CES5A: variants seen among roughly 807,000 people sequenced by gnomAD.
The protein encoded by CES5A is carboxylesterase 5.
Under a neutral mutation model 62.9 loss-of-function variants are expected in CES5A, and 67 were observed. The observed-to-expected ratio is 1.07, with a 90% confidence interval of 0.88 to 1.31. CES5A has a LOEUF of 1.31. Ranked by LOEUF, CES5A falls within the 50% of genes most tolerant of loss-of-function variation. CES5A has a pLI of 0.00. For missense variants in CES5A, 748 were observed against 708.5 expected, an observed-to-expected ratio of 1.06 and a Z score of -0.63; for synonymous variants, 296 against 280.8, an observed-to-expected ratio of 1.05 and a Z score of -0.54.
chr16:55,871,136 G>A (rs1321609655), intron 3 of CES5A, among the ~76,000 whole-genome samples: 1 of 152,224 alleles, frequency 6.6e-6, no homozygotes, highest in East Asian at 1.9e-4. Context: ...GAGGCATGAG[G>A]AAGAGAAGAG....
intron 3 of CES5A, among the ~76,000 whole-genome samples, chr16:55,870,446 T>C (rs1203573570): frequency 2.0e-5 from 3 of 152,114 alleles, no homozygotes; most frequent in Admixed American, 2.0e-4. Flanking sequence ...ACGCCTGTAA[T>C]CCCAACACTT....
In CES5A at chr16:55,863,390, G is replaced by A. The variant is rs746031339; in HGVS notation, c.768C>T (p.Ile256=). The part of the protein sequence containing the change: ...HKAIMESGVA[I]IPYLEAHDYE... ...AATCATGGGCCTCCAGGTAAGGGAT[G>A]ATGGCCACCCCACTCTCCATGATGG... Residue 256 remains isoleucine, a synonymous_variant, in exon 6 of 13, where the codon ATC becomes ATT. Transcript: ENST00000290567. 7.5e-6 allele frequency: 12 copies of A among 1,609,378 alleles called. No homozygotes were observed.
Position 55,944,009 on chromosome 16 carries a change from A to G in CES5A, c.160+5776T>C, listed in dbSNP as rs1404569140. On this transcript the variant is annotated intron_variant, in intron 2 of 13. Transcript: ENST00000521992. ...TATCCCACCTGAGGATTCTCTTTCC[A>G]GGGAAAAATCGCAAGTCATTGAGGT... 4.0e-5 allele frequency: 28 copies of G among 701,838 alleles called. No individual in the cohort carries two copies. In the African/African-American group the frequency reaches 4.7e-4, roughly 12 times the overall value. The allele number at this position is 701,838 out of a possible 1,614,324, so 43.5% of individuals were successfully genotyped here. A position where few individuals can be genotyped will look rare whatever the true frequency, so the allele number is the denominator to read the frequency against.
At chr16:55,847,019 C>T (rs1185496146) in intron 11 of CES5A, among the ~76,000 whole-genome samples, 179 bp from the exon 12 acceptor site, 1 of 152,096 alleles carries the variant, frequency 6.6e-6, no homozygotes, top group Non-Finnish European at 1.5e-5. Context: ...CGGGACCTGT[C>T]CAAGGAACTG....
chr16:55,927,972 G>A (rs28837185), upstream of CES5A, among the ~76,000 whole-genome samples: 576 of 152,304 alleles, frequency 3.8e-3, 5 homozygotes, highest in African/African-American at 0.013. Context: ...GGCTGGGCGC[G>A]GTGGCTCACG....
chr16:55,908,770 A>C (rs1215186684), intron 1 of CES5A, among the ~76,000 whole-genome samples: 2 of 152,172 alleles, frequency 1.3e-5, no homozygotes, highest in Non-Finnish European at 2.9e-5. Context: ...TATGTCTTGT[A>C]TTGGCCATAA....
intron 1 of CES5A, chr16:55,949,906 GA>G (rs770453286): frequency 6.7e-5 from 85 of 1,274,980 alleles, no homozygotes; most frequent in Non-Finnish European, 8.1e-5. Context: ...TAAACTCCTG[GA>G]AAAAAAGAAA....
chr16:55,895,265 A>C (rs1404572882), intron 1 of CES5A, among the ~76,000 whole-genome samples: 6 of 152,236 alleles, frequency 3.9e-5, no homozygotes, highest in African/African-American at 1.4e-4. Flanking sequence ...TACTAAGCTA[A>C]CCAAAGACTT....
At chr16:55,847,309 C>T (rs2033035509) in intron 11 of CES5A, among the ~76,000 whole-genome samples, 1 of 150,492 alleles carries the variant, frequency 6.6e-6, no homozygotes, top group African/African-American at 2.5e-5. Flanking sequence ...CTCCCTCTCT[C>T]TCTCCCTTCT....
chr16:55,875,496 A>G, upstream of CES5A: 1 of 666,112 alleles, frequency 1.5e-6, no homozygotes, highest in Non-Finnish European at 2.3e-6. Flanking sequence ...TGGGGGAAAC[A>G]GAAAAGACAT....
At chr16:55,938,797 T>TATATATATATATAC (rs1440495150) in intron 2 of CES5A, among the ~76,000 whole-genome samples, 1 of 51,086 alleles carries the variant, frequency 2.0e-5, no homozygotes, top group African/African-American at 1.0e-4. Context: ...TATATATATA[T>TATATATATATATAC]ACACACATAT....
At chr16:55,858,261 C>T (rs558383432) in intron 8 of CES5A, among the ~76,000 whole-genome samples, 3 of 152,112 alleles carry the variant, frequency 2.0e-5, no homozygotes, top group East Asian at 3.9e-4. Context: ...AATTATACAC[C>T]CCTGTCTCCT....
chr16:55,942,384 C>T (rs1251055082), intron 2 of CES5A, among the ~76,000 whole-genome samples: 1 of 152,106 alleles, frequency 6.6e-6, no homozygotes, highest in African/African-American at 2.4e-5. Flanking sequence ...AAATGGCAAG[C>T]TACCTTTTTT....
chr16:55,889,345 C>T (rs1165208855), intron 1 of CES5A, among the ~76,000 whole-genome samples: 2 of 152,170 alleles, frequency 1.3e-5, no homozygotes, highest in Non-Finnish European at 2.9e-5. Context: ...CATAAGCCTG[C>T]TCCCCACTTC....
At chr16:55,898,112 C>T (rs1306311915) in intron 1 of CES5A, among the ~76,000 whole-genome samples, 1 of 152,192 alleles carries the variant, frequency 6.6e-6, no homozygotes, top group Non-Finnish European at 1.5e-5. Flanking sequence ...CAGTTTTGAT[C>T]TGTGTCATGT....
chr16:55,922,614 C>A (rs763412088), intron 1 of CES5A, among the ~76,000 whole-genome samples: 27 of 151,902 alleles, frequency 1.8e-4, no homozygotes, highest in Non-Finnish European at 3.4e-4. Context: ...TTTAACACCC[C>A]ACTCTTGGTA....
intron 1 of CES5A, among the ~76,000 whole-genome samples, chr16:55,904,954 T>C (rs1291370889): frequency 6.6e-6 from 1 of 152,212 alleles, no homozygotes; most frequent in Non-Finnish European, 1.5e-5. Flanking sequence ...TAGTGCTATG[T>C]CTCACCCAAA....
intron 1 of CES5A, among the ~76,000 whole-genome samples, chr16:55,895,295 T>A (rs2033920790): frequency 6.6e-6 from 1 of 152,160 alleles, no homozygotes; most frequent in African/African-American, 2.4e-5. Context: ...CAATAACAAA[T>A]AACAAAGTTT....
intron 3 of CES5A, 30 bp from the exon 4 acceptor site, chr16:55,869,774 C>T: frequency 1.3e-6 from 2 of 1,577,588 alleles, no homozygotes; most frequent in Admixed American, 1.8e-5. Flanking sequence ...ATCCAGTCAG[C>T]CCACCAGGCA....
Sources: allele counts gnomAD v4.1 joint callset (sites outside exome capture counted in the v4.1 genomes callset), GRCh38; gene constraint gnomAD v4.1.1; transcripts MANE v1.5; gene names NCBI Gene and HGNC (gene_info 2026-07-23, HGNC 2026-07-21).